The following RARRES1 variants were observed in gnomAD, a reference collection of about 807,000 sequenced individuals.
The protein encoded by RARRES1 is retinoic acid receptor responder 1.
RARRES1 carries 34 observed loss-of-function variants against 30.6 expected under a neutral mutation model. The ratio of observed to expected loss-of-function variants is 1.11; its 90% CI spans 0.84 to 1.48. The LOEUF is 1.48. RARRES1 is among the 40% of genes most tolerant of loss of function. The probability of loss-of-function intolerance (pLI) is 0.00; values close to 1 mark genes in which losing one functional copy is unlikely to be tolerated. For missense variants in RARRES1, 373 were observed against 386.5 expected, an observed-to-expected ratio of 0.97 and a Z score of 0.29; for synonymous variants, 153 against 155.5, an observed-to-expected ratio of 0.98 and a Z score of 0.12.
At chr3:158,712,348 C>T (rs1022698188) in intron 2 of RARRES1, among the ~76,000 whole-genome samples, 14 of 152,260 alleles carry the variant, frequency 9.2e-5, no homozygotes, top group Non-Finnish European at 1.5e-4. Flanking sequence ...CCATGATCAT[C>T]GCACTTCCCT....
chr3:158,698,102 G>C, intron 4 of RARRES1, 132 bp from the exon 5 acceptor site: 1 of 637,354 alleles, frequency 1.6e-6, no homozygotes, highest in Non-Finnish European at 2.6e-6. Flanking sequence ...CACGGTTTTT[G>C]GTGGTATTTT....
intron 3 of RARRES1, 85 bp downstream of exon 3, chr3:158,710,653 G>T (rs1167307757): frequency 9.1e-6 from 12 of 1,312,676 alleles, no homozygotes; most frequent in South Asian, 1.4e-5. Flanking sequence ...CCACTTTAGG[G>T]ATAAAAACTT....
At position 158,718,040 on chromosome 3, in the gene RARRES1, A is replaced by G. The variant is rs532606713; in HGVS notation, c.277-4181T>C. 1.9e-3 allele frequency among the ~76,000 whole-genome samples: 282 copies of G among 148,670 alleles called. 1 individual carries two copies. The highest frequency in any genetic ancestry group is 3.6e-3 in the Non-Finnish European group (243 of 67,684). ...GTCGCCCAGGCTGGAGCACAGTTGC[A>G]TGATCTCAGCTCACTGCAACCTCCG... On this transcript the variant is annotated intron_variant, in intron 1 of 5. Transcript: ENST00000237696.
chr3:158,724,948 C>A (rs558640686), intron 1 of RARRES1, among the ~76,000 whole-genome samples: 14 of 152,204 alleles, frequency 9.2e-5, no homozygotes, highest in African/African-American at 3.4e-4. Flanking sequence ...CCACCTCAGC[C>A]TTCCAAGTAG....
intron 1 of RARRES1, among the ~76,000 whole-genome samples, chr3:158,719,110 AAGC>A (rs1297536646): frequency 1.5e-4 from 23 of 152,180 alleles, no homozygotes; most frequent in African/African-American, 5.3e-4. Flanking sequence ...TAATAAGAAA[AAGC>A]AAGCAAATGA....
chr3:158,703,831 C>G (rs964354169), intron 4 of RARRES1, among the ~76,000 whole-genome samples: 1 of 152,200 alleles, frequency 6.6e-6, no homozygotes, highest in Non-Finnish European at 1.5e-5. Flanking sequence ...TATCTGTGAT[C>G]TCATCCAGTC....
At chr3:158,724,295 G>A (rs531973905) in intron 1 of RARRES1, among the ~76,000 whole-genome samples, 3 of 152,284 alleles carry the variant, frequency 2.0e-5, no homozygotes, top group South Asian at 2.1e-4. Context: ...GCCCTTGCCC[G>A]AAGATGTCCA....
At position 158,732,417 on chromosome 3, in the gene RARRES1, G is replaced by T. The variant is rs1351066726; in HGVS notation, c.-2C>A. 1 of 1,516,724 alleles carries T rather than the reference G, an allele frequency of 6.6e-7. No homozygotes were observed. The highest frequency in any genetic ancestry group is 2.6e-5 in the East Asian group (1 of 38,662). The allele number at this position is 1,516,724 out of a possible 1,614,324, so 94.0% of individuals were successfully genotyped here. A position where few individuals can be genotyped will look rare whatever the true frequency, so the allele number is the denominator to read the frequency against. On this transcript the variant is annotated 5_prime_UTR_variant, in exon 1 of 6. Coordinates refer to ENST00000237696, the MANE Select transcript of RARRES1 (RefSeq NM_206963.2). ...CAGCCGTTGCCGGCGGGGCTGCATG[G>T]ACGCAGGAAAGTTGGCTCGGCACCC...
At chr3:158,722,604 C>T (rs964876727) in intron 1 of RARRES1, among the ~76,000 whole-genome samples, 4 of 152,048 alleles carry the variant, frequency 2.6e-5, no homozygotes, top group East Asian at 1.9e-4. Context: ...CAATCCTGGC[C>T]GGGCGCTGTG....
intron 1 of RARRES1, among the ~76,000 whole-genome samples, chr3:158,722,046 G>A (rs1422781010): frequency 7.7e-6 from 1 of 129,166 alleles, no homozygotes; most frequent in Non-Finnish European, 1.5e-5. Flanking sequence ...GAGCCGAGAT[G>A]GCATAATTGC....
chr3:158,720,971 GAC>G (rs1203560808), intron 1 of RARRES1, among the ~76,000 whole-genome samples: 1 of 152,142 alleles, frequency 6.6e-6, no homozygotes, highest in African/African-American at 2.4e-5. Flanking sequence ...CTTTTTAGAA[GAC>G]ACACCTCAAC....
chr3:158,717,159 C>A (rs1727349272), intron 1 of RARRES1, among the ~76,000 whole-genome samples: 1 of 152,170 alleles, frequency 6.6e-6, no homozygotes, highest in Non-Finnish European at 1.5e-5. Flanking sequence ...CTGTGTTGAA[C>A]TTTGGCTGTC....
chr3:158,710,777 T>C lies in RARRES1; in HGVS notation c.496A>G (p.Lys166Glu), dbSNP rs757374834. Residue 166 changes from lysine (K) to glutamate (E), a missense_variant, in exon 3 of 6, where the codon AAG becomes GAG. Transcript: ENST00000237696. ...ATTTCCAAGGGGTTTTTCAGTTGCTTCATTTGCTTGTAAAGCAGGTAATCC... is the reference window on the plus strand; with the variant it reads ...ATTTCCAAGGGGTTTTTCAGTTGCTCCATTTGCTTGTAAAGCAGGTAATCC... ...QEDYLLYKQM[K>E]QLKNPLEIVS... The C allele has an allele frequency of 6.2e-6, 10 of 1,613,662 alleles. No individual in the cohort carries two copies. The South Asian group carries it at 9.9e-5, about 16-fold the overall frequency.
chr3:158,697,980 G>GA lies in RARRES1; in HGVS notation c.673-11dup, dbSNP rs1418507221. The GA allele has an allele frequency of 1.3e-6, 2 of 1,483,344 alleles. No individual in the cohort carries two copies. The highest frequency in any genetic ancestry group is 1.9e-6 in the Non-Finnish European group (2 of 1,071,836). The allele number at this position is 1,483,344 out of a possible 1,614,324, so 91.9% of individuals were successfully genotyped here. A position where few individuals can be genotyped will look rare whatever the true frequency, so the allele number is the denominator to read the frequency against. The stretch of plus-strand genomic sequence containing the variant: ...TATCATCATTAGTTTTCTAGAGGGA[G>GA]AAAAAAGAGTTAGTGTAATAAATAT... On this transcript the variant is annotated splice_polypyrimidine_tract_variant and intron_variant, in intron 4 of 5. Transcript: ENST00000237696.
In RARRES1 at chr3:158,704,895, G is replaced by C. The variant is rs1422739389; in HGVS notation, c.568C>G (p.Leu190Val). Residue 190 changes from leucine to valine, a missense_variant, in exon 4 of 6, where the codon CTC becomes GTC. Transcript: ENST00000237696. Reference sequence around the variant, plus strand: ...CCAAGGAAAGCCAAATCCCAGATGAGTCTCAGAGAGGGATCAATATGTCCA... The same window carrying C: ...CCAAGGAAAGCCAAATCCCAGATGACTCTCAGAGAGGGATCAATATGTCCA... ...NHGHIDPSLR[L>V]IWDLAFLGSS... The C allele has an allele frequency of 6.2e-7, 1 of 1,613,424 alleles. No homozygotes were observed. Among genetic ancestry groups the C allele is most frequent in the Admixed American group, 1.7e-5 (1 of 59,956 alleles).
chr3:158,698,045 T>G (rs1726604605), intron 4 of RARRES1, 75 bp from the exon 5 acceptor site: 6 of 1,071,842 alleles, frequency 5.6e-6, no homozygotes, highest in Non-Finnish European at 6.8e-6. Flanking sequence ...ACATTCTTGT[T>G]TTGAATGGGT....
chr3:158,697,506 A>T lies in RARRES1; in HGVS notation c.*172T>A. 1 of 692,740 alleles carries T rather than the reference A, an allele frequency of 1.4e-6. No individual in the cohort carries two copies. The highest frequency in any genetic ancestry group is 2.3e-6 in the Non-Finnish European group (1 of 429,698). 42.9% of individuals were successfully genotyped at this position (692,740 alleles called of 1,614,324 possible). On this transcript the variant is annotated 3_prime_UTR_variant, in exon 6 of 6. Transcript: ENST00000237696. ...GCATGCGCTTCCAGAGTTAAAAGCTAAAGCAGACTGAGAAACAAAAAACCA... is the reference window on the plus strand; with the variant it reads ...GCATGCGCTTCCAGAGTTAAAAGCTTAAGCAGACTGAGAAACAAAAAACCA...
At position 158,697,673 on chromosome 3, in the gene RARRES1, TC is replaced by T; in HGVS notation, c.*4del. ...TAGAAGTCGGAAAAAGATCATTTTT[TC>T]TTTTTAGAAATTACTAAGCTCTGTT... is the stretch of plus-strand genomic sequence containing the variant. On this transcript the variant is annotated 3_prime_UTR_variant, in exon 6 of 6. Coordinates refer to ENST00000237696, the MANE Select transcript of RARRES1 (RefSeq NM_206963.2). The T allele has an allele frequency of 6.2e-7, 1 of 1,603,468 alleles. No homozygotes were observed. Among genetic ancestry groups the T allele is most frequent in the Middle Eastern group, 1.7e-4 (1 of 5,980 alleles).
At chr3:158,729,938 AG>A (rs1727817398) in intron 1 of RARRES1, among the ~76,000 whole-genome samples, 1 of 152,186 alleles carries the variant, frequency 6.6e-6, no homozygotes, top group African/African-American at 2.4e-5. Context: ...CTACCTTGAT[AG>A]AAAGTTCTCA....
Sources: allele counts gnomAD v4.1 joint callset (sites outside exome capture counted in the v4.1 genomes callset), GRCh38; gene constraint gnomAD v4.1.1; transcripts MANE v1.5; gene names NCBI Gene and HGNC (gene_info 2026-07-23, HGNC 2026-07-21).